MTMR12: variants seen among roughly 807,000 people sequenced by gnomAD.
MTMR12 encodes myotubularin-related protein 12.
In MTMR12, 33 loss-of-function variants were observed where a neutral mutation model predicts 96.7. The ratio of observed to expected loss-of-function variants is 0.34; its 90% CI spans 0.26 to 0.46. The LOEUF is 0.46. MTMR12 is among the 20% of genes least tolerant of loss of function. The pLI is 1.00. For synonymous variants in MTMR12, 298 were observed against 327.2 expected (o/e 0.91, Z 0.96); for missense variants, 721 against 896.1 (o/e 0.80, Z 2.49).
chr5:32,282,420 AAAATAAAT>A (rs202223564), intron 1 of MTMR12, among the ~76,000 whole-genome samples: 3,788 of 145,016 alleles, frequency 0.026, 58 homozygotes, highest in African/African-American at 0.04. Context: ...GACTCCATCT[AAAATAAAT>A]AAATAAATAA....
At chr5:32,310,038 G>A (rs759550576) in intron 1 of MTMR12, among the ~76,000 whole-genome samples, 4 of 152,200 alleles carry the variant, frequency 2.6e-5, no homozygotes, top group Non-Finnish European at 5.9e-5. Context: ...ATCAGGGCCA[G>A]GCACGGTGGC....
intron 1 of MTMR12, among the ~76,000 whole-genome samples, chr5:32,297,324 T>C (rs1750967629): frequency 6.6e-6 from 1 of 152,182 alleles, no homozygotes; most frequent in African/African-American, 2.4e-5. Flanking sequence ...TCAATCCCTC[T>C]GTTTACATTG....
intron 7 of MTMR12, among the ~76,000 whole-genome samples, chr5:32,260,253 T>C (rs964465428): frequency 2.6e-5 from 4 of 151,338 alleles, no homozygotes; most frequent in African/African-American, 7.3e-5. Flanking sequence ...CTCTGTTCTA[T>C]ACCAAGAACA....
At chr5:32,254,460 A>G (rs922067275) in intron 8 of MTMR12, among the ~76,000 whole-genome samples, 14 of 152,346 alleles carry the variant, frequency 9.2e-5, no homozygotes, top group South Asian at 2.1e-4. Flanking sequence ...AGAGCTAAAA[A>G]TTATGAATTT....
At chr5:32,263,061 T>C (rs1488137326) in intron 7 of MTMR12, 52 bp downstream of exon 7, 1 of 1,602,676 alleles carries the variant, frequency 6.2e-7, no homozygotes, top group African/African-American at 1.3e-5. Flanking sequence ...AAAAACACTG[T>C]ACACTTTTAA....
In MTMR12 at chr5:32,229,613, T is replaced by TCATGAAAAATAATGAGAGC. The variant is rs1747906723; in HGVS notation, c.*146_*164dup. The TCATGAAAAATAATGAGAGC allele has an allele frequency of 5.6e-6, 3 of 534,056 alleles. No individual in the cohort carries two copies. The highest frequency in any genetic ancestry group is 9.2e-6 in the Non-Finnish European group (3 of 326,678). The allele number at this position is 534,056 out of a possible 1,614,324, so 33.1% of individuals were successfully genotyped here. A position where few individuals can be genotyped will look rare whatever the true frequency, so the allele number is the denominator to read the frequency against. On this transcript the variant is annotated 3_prime_UTR_variant, in exon 16 of 16. Transcript: ENST00000382142. ...GTTTTAATTGCATAGTCTTTTAGAA[T>TCATGAAAAATAATGAGAGC]CATGAAAAATAATGAGAGCCACCTC...
At chr5:32,295,798 G>A (rs115439461) in intron 1 of MTMR12, among the ~76,000 whole-genome samples, 5 of 152,140 alleles carry the variant, frequency 3.3e-5, no homozygotes, top group African/African-American at 4.8e-5. Flanking sequence ...GGTAAAGCCA[G>A]AACTCAGTAT....
At chr5:32,283,528 G>C (rs770583066) in intron 1 of MTMR12, among the ~76,000 whole-genome samples, 34 of 152,184 alleles carry the variant, frequency 2.2e-4, no homozygotes, top group Non-Finnish European at 3.8e-4. Flanking sequence ...ATGTGGCACA[G>C]GTGAAAGTCA....
intron 3 of MTMR12, among the ~76,000 whole-genome samples, chr5:32,272,366 G>T (rs1749870712): frequency 6.6e-6 from 1 of 152,086 alleles, no homozygotes; most frequent in Non-Finnish European, 1.5e-5. Flanking sequence ...GATGAAGTAT[G>T]TGAGAAAAGC....
chr5:32,293,338 G>A (rs1750809861), intron 1 of MTMR12, among the ~76,000 whole-genome samples: 1 of 152,032 alleles, frequency 6.6e-6, no homozygotes, highest in Non-Finnish European at 1.5e-5. Flanking sequence ...AGCTACCAGT[G>A]AATATAAAGC....
intron 6 of MTMR12, among the ~76,000 whole-genome samples, chr5:32,266,801 C>T (rs549453927): frequency 1.5e-4 from 22 of 150,302 alleles, no homozygotes; most frequent in Admixed American, 7.3e-4. Flanking sequence ...TGGATGGAGC[C>T]GGGCGAGCTG....
chr5:32,247,015 C>T (rs1046627151), intron 10 of MTMR12, among the ~76,000 whole-genome samples: 2 of 152,134 alleles, frequency 1.3e-5, no homozygotes, highest in African/African-American at 4.8e-5. Flanking sequence ...CAATAAATGT[C>T]ACTGAACGAA....
At position 32,312,710 on chromosome 5, in the gene MTMR12, G is replaced by A; in HGVS notation, c.81+48C>T. On this transcript the variant is annotated intron_variant, in intron 1 of 15. Coordinates refer to ENST00000382142, the MANE Select transcript of MTMR12 (RefSeq NM_001040446.3). The surrounding 1 kb of genome is among the most constrained non-coding windows in gnomAD (Gnocchi z 5.0). Reference sequence around the variant, plus strand: ...AAGGAAGGGGCTCCCGGCGCCCCTCGCCCCGGCCGCCCCTGCCCGACGCCC... The same window carrying A: ...AAGGAAGGGGCTCCCGGCGCCCCTCACCCCGGCCGCCCCTGCCCGACGCCC... 1.4e-6 allele frequency: 2 copies of A among 1,390,584 alleles called. No homozygotes were observed. Among genetic ancestry groups the A allele is most frequent in the Non-Finnish European group, 1.9e-6 (2 of 1,071,024 alleles). 86.1% of individuals were successfully genotyped at this position (1,390,584 alleles called of 1,614,324 possible). A position where few individuals can be genotyped will look rare whatever the true frequency, so the allele number is the denominator to read the frequency against.
chr5:32,230,480 C>T (rs1485688765), intron 15 of MTMR12, 133 bp from the exon 16 acceptor site: 18 of 772,116 alleles, frequency 2.3e-5, no homozygotes, highest in Non-Finnish European at 3.5e-5. Context: ...TGTGAATGCA[C>T]ACTCATTAAC....
At position 32,304,567 on chromosome 5, in the gene MTMR12, T is replaced by C. The variant is rs562939320; in HGVS notation, c.81+8191A>G. On this transcript the variant is annotated intron_variant, in intron 1 of 15. Coordinates refer to ENST00000382142, the MANE Select transcript of MTMR12 (RefSeq NM_001040446.3). Reference sequence around the variant, plus strand: ...ATGGAATTTTCTCCAAAGCACACCATCACATAGGGTGGTTTAATGTGGAAG... The same window carrying C: ...ATGGAATTTTCTCCAAAGCACACCACCACATAGGGTGGTTTAATGTGGAAG... Among the ~76,000 whole-genome samples, 4 of 152,342 alleles carry C rather than the reference T, an allele frequency of 2.6e-5. No homozygotes were observed. In the South Asian group the frequency reaches 8.3e-4, roughly 32 times the overall value.
intron 1 of MTMR12, among the ~76,000 whole-genome samples, chr5:32,282,227 A>C (rs2112109725): frequency 6.6e-6 from 1 of 151,798 alleles, no homozygotes; most frequent in South Asian, 2.1e-4. Context: ...CTAAAAATAC[A>C]AAAAATTAGC....
intron 15 of MTMR12, chr5:32,232,972 T>C: frequency 1.0e-6 from 1 of 985,252 alleles, no homozygotes; most frequent in Non-Finnish European, 1.2e-6. Context: ...ATCACTGCTC[T>C]CTCCTTTGTG....
At chr5:32,305,027 A>G (rs949337947) in intron 1 of MTMR12, among the ~76,000 whole-genome samples, 1 of 152,178 alleles carries the variant, frequency 6.6e-6, no homozygotes, top group African/African-American at 2.4e-5. Flanking sequence ...GCAATTAAGA[A>G]ATTAGCTGGG....
chr5:32,308,323 A>C (rs1358165533), intron 1 of MTMR12, among the ~76,000 whole-genome samples: 1 of 149,774 alleles, frequency 6.7e-6, no homozygotes. Context: ...CTCCATCTCA[A>C]AAAAAAAAAG....
Sources: gnomAD v4.1 joint callset for allele counts (sites outside exome capture counted in the v4.1 genomes callset) on GRCh38, gnomAD v4.1.1 for gene constraint, Gnocchi (gnomAD v3.1) non-coding constraint, MANE v1.5 for transcripts, NCBI Gene and HGNC (gene_info 2026-07-23, HGNC 2026-07-21) for gene names.